The following PLCXD3 variants were observed in gnomAD, a reference collection of about 807,000 sequenced individuals.
PLCXD3 encodes the protein phosphatidylinositol specific phospholipase C X domain containing 3.
PLCXD3 carries 19 observed loss-of-function variants against 25.5 expected under a neutral mutation model. That is an observed-to-expected ratio of 0.75 (90% CI 0.52 to 1.09). The LOEUF (loss-of-function observed/expected upper bound fraction) is 1.09. PLCXD3 is among the 50% of genes least tolerant of loss of function. The probability of loss-of-function intolerance (pLI) is 0.00; values close to 1 mark genes in which losing one functional copy is unlikely to be tolerated. For missense variants in PLCXD3, 411 were observed against 388.1 expected (o/e 1.06, Z -0.50); for synonymous variants, 174 against 137.6 (o/e 1.26, Z -1.85).
chr5:41,510,415 C>A lies in PLCXD3; in HGVS notation c.103+9G>T. On this transcript the variant is annotated intron_variant, in intron 1 of 2. Transcript: ENST00000377801. ...CCGAGCGCCTAGCCCGCAGCCCCTG[C>A]GCGCCTACCTGGAATGGCTAAATTG... The A allele has an allele frequency of 5.6e-6, 9 of 1,603,304 alleles. No homozygotes were observed. Among genetic ancestry groups the A allele is most frequent in the Non-Finnish European group, 6.8e-6 (8 of 1,174,754 alleles).
intron 1 of PLCXD3, among the ~76,000 whole-genome samples, chr5:41,454,539 C>G (rs1054696330): frequency 6.6e-6 from 1 of 152,002 alleles, no homozygotes; most frequent in African/African-American, 2.4e-5. Flanking sequence ...AAAGGCCCCA[C>G]CTTCTAATAC....
At chr5:41,402,626 C>G (rs1012348880) in intron 1 of PLCXD3, among the ~76,000 whole-genome samples, 5 of 151,774 alleles carry the variant, frequency 3.3e-5, no homozygotes, top group Admixed American at 2.6e-4. Context: ...AATTTTCTAT[C>G]TGTTTTATTA....
chr5:41,507,323 C>T (rs73081536), intron 1 of PLCXD3, among the ~76,000 whole-genome samples: 1,729 of 152,178 alleles, frequency 0.011, 29 homozygotes, highest in African/African-American at 0.039. Context: ...AAGTTTAGGG[C>T]CATCAGAGAG....
chr5:41,461,426 A>G (rs1747872938), intron 1 of PLCXD3, among the ~76,000 whole-genome samples: 1 of 151,974 alleles, frequency 6.6e-6, no homozygotes, highest in African/African-American at 2.4e-5. Context: ...ACAATTCTCC[A>G]CTGAGTCACT....
Position 41,500,590 on chromosome 5 carries a change from C to A in PLCXD3, c.103+9834G>T, listed in dbSNP as rs576959766. Among the ~76,000 whole-genome samples the A allele has an allele frequency of 5.3e-5, 8 of 151,440 alleles. 1 individual carries two copies. The South Asian group carries it at 1.7e-3, about 31-fold the overall frequency. ...CACACACACACACACAAACACGCAACTTAAACCTAAGACCTGAAACTGTAA... is the reference window on the plus strand; with the variant it reads ...CACACACACACACACAAACACGCAAATTAAACCTAAGACCTGAAACTGTAA... On this transcript the variant is annotated intron_variant, in intron 1 of 2. Coordinates refer to ENST00000377801, the MANE Select transcript of PLCXD3 (RefSeq NM_001005473.3).
chr5:41,372,347 C>CACACACACACAT (rs71608606), intron 2 of PLCXD3, among the ~76,000 whole-genome samples: 23 of 132,474 alleles, frequency 1.7e-4, no homozygotes, highest in African/African-American at 4.6e-4. Flanking sequence ...CACACACACA[C>CACACACACACAT]ACCAGGCACT....
intron 1 of PLCXD3, among the ~76,000 whole-genome samples, chr5:41,505,676 C>T (rs563066523): frequency 1.4e-4 from 21 of 152,212 alleles, no homozygotes; most frequent in African/African-American, 4.6e-4. Flanking sequence ...TAAGTGCTAT[C>T]GATGGCCAAT....
chr5:41,367,884 T>C (rs189506944), intron 2 of PLCXD3, among the ~76,000 whole-genome samples: 21 of 152,324 alleles, frequency 1.4e-4, no homozygotes, highest in African/African-American at 5.0e-4. Flanking sequence ...CAGCACCATT[T>C]ATTAAATAGG....
chr5:41,510,100 C>G (rs1739006985), intron 1 of PLCXD3, among the ~76,000 whole-genome samples: 2 of 152,124 alleles, frequency 1.3e-5, no homozygotes, highest in African/African-American at 4.8e-5. Context: ...CCCAAATCTG[C>G]AGGAGAAACC....
chr5:41,405,873 C>T (rs879490122), intron 1 of PLCXD3, among the ~76,000 whole-genome samples: 3 of 151,970 alleles, frequency 2.0e-5, no homozygotes, highest in Non-Finnish European at 4.4e-5. Context: ...CATCTTTAAC[C>T]CACTGTAATA....
chr5:41,387,265 C>G (rs534055242), intron 1 of PLCXD3, among the ~76,000 whole-genome samples: 27 of 152,180 alleles, frequency 1.8e-4, no homozygotes, highest in African/African-American at 6.3e-4. Context: ...GAACCTTAGC[C>G]TCAAAAGAGA....
At chr5:41,446,890 T>C (rs1023053460) in intron 1 of PLCXD3, among the ~76,000 whole-genome samples, 1 of 152,262 alleles carries the variant, frequency 6.6e-6, no homozygotes. Flanking sequence ...GATACCCGTC[T>C]TCTAGACAAA....
chr5:41,353,254 G>A (rs577775365), intron 2 of PLCXD3, among the ~76,000 whole-genome samples: 5 of 149,924 alleles, frequency 3.3e-5, no homozygotes, highest in Non-Finnish European at 5.9e-5. Context: ...CACCATGCTC[G>A]GCTAATTTTC....
chr5:41,430,263 A>G (rs1215190138), intron 1 of PLCXD3, among the ~76,000 whole-genome samples: 3 of 152,222 alleles, frequency 2.0e-5, no homozygotes, highest in Non-Finnish European at 4.4e-5. Flanking sequence ...TAAATATAGT[A>G]AATACATACA....
At chr5:41,489,685 T>G (rs868315715) in intron 1 of PLCXD3, among the ~76,000 whole-genome samples, 1 of 152,210 alleles carries the variant, frequency 6.6e-6, no homozygotes, top group East Asian at 1.9e-4. Flanking sequence ...TTATTCTCTT[T>G]GAAGCAATTG....
At chr5:41,324,565 A>C (rs1477483544) in intron 2 of PLCXD3, among the ~76,000 whole-genome samples, 4 of 152,162 alleles carry the variant, frequency 2.6e-5, no homozygotes, top group African/African-American at 9.7e-5. Context: ...TTAGAAGATA[A>C]TTCTATCTTA....
chr5:41,354,037 TTC>T (rs1350388564), intron 2 of PLCXD3, among the ~76,000 whole-genome samples: 1 of 152,222 alleles, frequency 6.6e-6, no homozygotes. Flanking sequence ...TTTTTCTATT[TTC>T]TTCCAACTTT....
Position 41,329,088 on chromosome 5 carries a change from A to G in PLCXD3, c.813-15318T>C, listed in dbSNP as rs185312971. Reference sequence around the variant, plus strand: ...CAGTCTTGCTCATCTTGACCAGCCTAATTTTCCCCAGGGAAACTTCTGGTT... The same window carrying G: ...CAGTCTTGCTCATCTTGACCAGCCTGATTTTCCCCAGGGAAACTTCTGGTT... On this transcript the variant is annotated intron_variant, in intron 2 of 2. Coordinates refer to ENST00000377801, the MANE Select transcript of PLCXD3 (RefSeq NM_001005473.3). Among the ~76,000 whole-genome samples the G allele has an allele frequency of 4.9e-3, 747 of 152,220 alleles. 6 individuals are homozygous for G. The highest frequency in any genetic ancestry group is 7.5e-3 in the Non-Finnish European group (511 of 68,002).
intron 1 of PLCXD3, among the ~76,000 whole-genome samples, chr5:41,396,013 A>C (rs1561259271): frequency 6.6e-6 from 1 of 151,240 alleles, no homozygotes; most frequent in African/African-American, 2.4e-5. Context: ...AAAAAAAAAA[A>C]CCACAAAACA....
Sources: gnomAD v4.1 joint callset for allele counts (sites outside exome capture counted in the v4.1 genomes callset) on GRCh38, gnomAD v4.1.1 for gene constraint, MANE v1.5 for transcripts, NCBI Gene and HGNC (gene_info 2026-07-23, HGNC 2026-07-21) for gene names.